MTMR7: variants seen among roughly 807,000 people sequenced by gnomAD.
The protein encoded by MTMR7 is myotubularin related protein 7, also known as phosphatidylinositol-3-phosphate phosphatase MTMR7.
A neutral mutation model predicts 81.2 loss-of-function variants in MTMR7; 76 were observed. That is an observed-to-expected ratio of 0.94 (90% CI 0.78 to 1.13). The LOEUF is 1.13. Ranked by LOEUF, MTMR7 falls within the 50% of genes most tolerant of loss-of-function variation. The pLI, the probability that MTMR7 is intolerant of heterozygous loss-of-function variation, is 0.00. For missense variants in MTMR7, 1,044 were observed against 820.0 expected (o/e 1.27, Z -3.34); for synonymous variants, 372 against 289.8 (o/e 1.28, Z -2.88).
At chr8:17,412,289 G>A (rs1821755939) in intron 1 of MTMR7, among the ~76,000 whole-genome samples, 1 of 152,004 alleles carries the variant, frequency 6.6e-6, no homozygotes, top group Non-Finnish European at 1.5e-5. Context: ...TTAAATGTGT[G>A]GGATCCCTGG....
chr8:17,399,911 A>T (rs1821373027), intron 1 of MTMR7, among the ~76,000 whole-genome samples: 1 of 151,536 alleles, frequency 6.6e-6, no homozygotes, highest in Non-Finnish European at 1.5e-5. Flanking sequence ...ACATCCATGT[A>T]TCTAAATTGT....
chr8:17,345,379 C>G (rs140235523), intron 5 of MTMR7, among the ~76,000 whole-genome samples: 1 of 152,332 alleles, frequency 6.6e-6, no homozygotes, highest in Non-Finnish European at 1.5e-5. Flanking sequence ...CCTGTGGGAA[C>G]CAAGGGTGAC....
At chr8:17,395,587 T>C (rs116167686) in intron 1 of MTMR7, among the ~76,000 whole-genome samples, 1,560 of 152,306 alleles carry the variant, frequency 0.01, 25 homozygotes, top group African/African-American at 0.036. Flanking sequence ...CACTTGTTGT[T>C]TTCTTTCTTT....
chr8:17,309,302 A>G lies in MTMR7; in HGVS notation c.1126T>C (p.Ser376Pro), dbSNP rs754571973. 1 of 1,566,890 alleles carries G rather than the reference A, an allele frequency of 6.4e-7. No homozygotes were observed. Among genetic ancestry groups the G allele is most frequent in the Admixed American group, 1.7e-5 (1 of 59,364 alleles). ...CGGTGATTAAACTTATGACCAAAGG[A>G]AATCCAGTCCTTTTCAATTAATACC... ...FMVLIEKDWI[S>P]FGHKFNHRYG... The change falls in exon 10 of 14, where the codon TCC (serine) becomes CCC (proline). Residue 376 changes from serine to proline, a missense_variant. Ser to Pro is a moderately conservative substitution (Grantham distance 74). Transcript: ENST00000180173.
chr8:17,313,553 C>T (rs2150491442), intron 7 of MTMR7, 152 bp from the exon 8 acceptor site: 1 of 543,970 alleles, frequency 1.8e-6, no homozygotes, highest in South Asian at 3.1e-5. Context: ...CCCACGTTTA[C>T]TAAACTTGAT....
chr8:17,370,391 G>A (rs896865873), intron 3 of MTMR7, among the ~76,000 whole-genome samples: 3 of 151,204 alleles, frequency 2.0e-5, no homozygotes, highest in African/African-American at 7.3e-5. Context: ...TGTGGTGGTG[G>A]GCACCTGTAG....
rs1816793252 is a variant in MTMR7, at chr8:17,297,683, T to TAA, written c.*2177_*2178dup. 2.0e-5 allele frequency: 3 copies of TAA among 152,100 alleles called. No individual in the cohort carries two copies. Among genetic ancestry groups the TAA allele is most frequent in the African/African-American group, 7.2e-5 (3 of 41,468 alleles). 9.4% of individuals were successfully genotyped at this position (152,100 alleles called of 1,614,324 possible). On this transcript the variant is annotated 3_prime_UTR_variant, in exon 14 of 14. Coordinates refer to ENST00000180173, the MANE Select transcript of MTMR7 (RefSeq NM_004686.5). ...CTATGCTTTAAACCACTGCTCTCAATAAAACACTTCCTGATTAATGTTTGA... is the reference window on the plus strand; with the variant it reads ...CTATGCTTTAAACCACTGCTCTCAATAAAAAACACTTCCTGATTAATGTTTGA...
At chr8:17,373,875 A>G (rs1471919647) in intron 1 of MTMR7, among the ~76,000 whole-genome samples, 3 of 152,236 alleles carry the variant, frequency 2.0e-5, no homozygotes, top group African/African-American at 7.2e-5. Flanking sequence ...CAATTTTTAC[A>G]AAGCATACCT....
At chr8:17,357,117 AT>A (rs1819918871) in intron 4 of MTMR7, among the ~76,000 whole-genome samples, 1 of 152,242 alleles carries the variant, frequency 6.6e-6, no homozygotes, top group Non-Finnish European at 1.5e-5. Flanking sequence ...ACTATGTTAT[AT>A]TTGTGAAATG....
chr8:17,341,986 C>A (rs967280416), intron 5 of MTMR7, among the ~76,000 whole-genome samples: 1 of 151,232 alleles, frequency 6.6e-6, no homozygotes, highest in Non-Finnish European at 1.5e-5. Context: ...TAATTCTAAA[C>A]GGGAAACTTT....
chr8:17,348,944 G>A lies in MTMR7; in HGVS notation c.597+9C>T, dbSNP rs777152974. The A allele has an allele frequency of 1.4e-5, 23 of 1,613,426 alleles. No individual in the cohort carries two copies. The South Asian group carries it at 1.6e-4, about 12-fold the overall frequency. Reference sequence around the variant, plus strand: ...AAAGTGTAAAACAAAAACACGCCTCGAGACTTACGTGGTTATCTTTATAAT... The same window carrying A: ...AAAGTGTAAAACAAAAACACGCCTCAAGACTTACGTGGTTATCTTTATAAT... On this transcript the variant is annotated intron_variant, in intron 5 of 13. Transcript: ENST00000180173.
chr8:17,364,612 ACT>A (rs989119035), intron 3 of MTMR7, among the ~76,000 whole-genome samples: 1 of 151,288 alleles, frequency 6.6e-6, no homozygotes, highest in African/African-American at 2.4e-5. Flanking sequence ...CCACCATTCT[ACT>A]CTCTGCTTCT....
chr8:17,409,347 C>G (rs1821679106), intron 1 of MTMR7, among the ~76,000 whole-genome samples: 1 of 152,046 alleles, frequency 6.6e-6, no homozygotes, highest in Non-Finnish European at 1.5e-5. Flanking sequence ...GTAGCCCCAG[C>G]TACTCGGGAG....
chr8:17,377,801 C>G (rs1180081262), intron 1 of MTMR7, among the ~76,000 whole-genome samples: 1 of 152,052 alleles, frequency 6.6e-6, no homozygotes, highest in Non-Finnish European at 1.5e-5. Context: ...TTAAGGGAAG[C>G]ATTTTCCAAA....
At chr8:17,352,212 C>T (rs1270668388) in intron 4 of MTMR7, among the ~76,000 whole-genome samples, 1 of 152,108 alleles carries the variant, frequency 6.6e-6, no homozygotes, top group Admixed American at 6.5e-5. Context: ...ATCTATTTTG[C>T]AGCAATCAAA....
At chr8:17,368,164 T>C (rs951516666) in intron 3 of MTMR7, among the ~76,000 whole-genome samples, 1 of 152,050 alleles carries the variant, frequency 6.6e-6, no homozygotes, top group African/African-American at 2.4e-5. Flanking sequence ...ATCCCTCGCA[T>C]GTACGGTTCA....
Position 17,352,450 on chromosome 8 carries a change from C to A in MTMR7, c.469-3369G>T, listed in dbSNP as rs566978745. ...CTTGTACTATATAAAAAAATTAACT[C>A]AAAATGGACTAAAGACCTAAACATA... On this transcript the variant is annotated intron_variant, in intron 4 of 13. Transcript: ENST00000180173. Among the ~76,000 whole-genome samples, 3 of 152,088 alleles carry A rather than the reference C, an allele frequency of 2.0e-5. No homozygotes were observed. The South Asian group carries it at 6.2e-4, about 32-fold the overall frequency.
At chr8:17,409,098 T>C (rs1821672735) in intron 1 of MTMR7, among the ~76,000 whole-genome samples, 1 of 152,182 alleles carries the variant, frequency 6.6e-6, no homozygotes, top group Admixed American at 6.5e-5. Context: ...CACAACACTG[T>C]CAAGTAGTAT....
At chr8:17,354,920 T>C (rs1043051478) in intron 4 of MTMR7, among the ~76,000 whole-genome samples, 1 of 152,202 alleles carries the variant, frequency 6.6e-6, no homozygotes, top group African/African-American at 2.4e-5. Flanking sequence ...CCCTAGGTTT[T>C]TACCTTTTCT....
Sources: gnomAD v4.1 joint callset for allele counts (sites outside exome capture counted in the v4.1 genomes callset) on GRCh38, gnomAD v4.1.1 for gene constraint, MANE v1.5 for transcripts, NCBI Gene and HGNC (gene_info 2026-07-23, HGNC 2026-07-21) for gene names.